The following DST variants were observed in gnomAD, a reference collection of about 807,000 sequenced individuals.
DST encodes the protein dystonin.
DST carries 253 observed loss-of-function variants against 875.2 expected under a neutral mutation model. That is an observed-to-expected ratio of 0.29 (90% CI 0.26 to 0.32). The LOEUF (loss-of-function observed/expected upper bound fraction) is 0.32, where lower values mean the gene tolerates loss of function less well. DST is among the 10% of genes least tolerant of loss of function. DST has a pLI of 1.00. For synonymous variants in DST, 3,124 were observed against 3,197.1 expected (o/e 0.98, Z 0.77); for missense variants, 8,287 against 9,111.6 (o/e 0.91, Z 3.68).
Position 56,509,853 on chromosome 6 carries a change from C to A in DST, c.18801G>T (p.Gln6267His), listed in dbSNP as rs778466743. 5.6e-6 allele frequency: 9 copies of A among 1,611,202 alleles called. No homozygotes were observed. In the Admixed American group the frequency reaches 1.5e-4, roughly 27 times the overall value. Residue 6267 changes from glutamine to histidine, a missense_variant, in exon 74 of 104, where the codon CAG becomes CAT. Coordinates refer to ENST00000680361, the MANE Select transcript of DST (RefSeq NM_001374736.1). Reference protein sequence around the residue: ...QSTQFHDKIDQILESLERIVE... With the variant: ...QSTQFHDKIDHILESLERIVE... ...CGATGCGTTCCAGGCTCTCAAGGAT[C>A]TGATCTATCTTGTCATGGAACTAGG...
rs147269051 is a variant in DST, at chr6:56,736,109, C to G, written c.626-820G>C. Among the ~76,000 whole-genome samples, 6 of 152,134 alleles carry G rather than the reference C, an allele frequency of 3.9e-5. No individual in the cohort carries two copies. In the South Asian group the frequency reaches 1.2e-3, roughly 32 times the overall value. The stretch of plus-strand genomic sequence containing the variant: ...TTCACCATGTTGGCCAGGCTGGTCT[C>G]GAACCCCTGACTTCAAGTGATCCAC... On this transcript the variant is annotated intron_variant, in intron 4 of 103. Transcript: ENST00000680361.
At chr6:56,537,653 G>A (rs1256595820) in intron 61 of DST, among the ~76,000 whole-genome samples, 3 of 152,150 alleles carry the variant, frequency 2.0e-5, no homozygotes, top group African/African-American at 7.2e-5. Context: ...CAGCAACTCT[G>A]GTTACTCTGT....
rs1318216968 is a variant in DST at position 56,607,031 on chromosome 6, C to T, written c.7597G>A (p.Glu2533Lys). The T allele has an allele frequency of 1.9e-6, 3 of 1,613,394 alleles. No homozygotes were observed. Among genetic ancestry groups the T allele is most frequent in the South Asian group, 1.1e-5 (1 of 91,058 alleles). Residue 2533 changes from glutamate (E) to lysine (K), a missense_variant, in exon 40 of 104, where the codon GAG becomes AAG. Physicochemically the swap from Glu to Lys is moderately conservative, Grantham distance 56. Coordinates refer to ENST00000680361, the MANE Select transcript of DST (RefSeq NM_001374736.1). Reference sequence around the variant, plus strand: ...AAACCTGGATGTGTTTTTTCATCCTCACCAGAAGTATTTGAAATGTATTTA... The same window carrying T: ...AAACCTGGATGTGTTTTTTCATCCTTACCAGAAGTATTTGAAATGTATTTA... ...NDKYISNTSG[E>K]DEKTHPGFQQ...
chr6:56,702,355 G>A (rs2099312325), intron 7 of DST, among the ~76,000 whole-genome samples: 1 of 151,504 alleles, frequency 6.6e-6, no homozygotes, highest in South Asian at 2.1e-4. Flanking sequence ...AACACTATTA[G>A]CAAGAGGGTT....
chr6:56,886,973 CA>C (rs924233962), intron 3 of DST, among the ~76,000 whole-genome samples: 60 of 152,200 alleles, frequency 3.9e-4, no homozygotes, highest in Non-Finnish European at 7.6e-4. Flanking sequence ...AGACCCTTAT[CA>C]CTCACTTGGA....
rs141937019 is a variant in DST at position 56,711,622 on chromosome 6, T to C, written c.688-7253A>G. Among the ~76,000 whole-genome samples the C allele has an allele frequency of 3.2e-3, 494 of 152,272 alleles. 4 individuals carry two copies. The highest frequency in any genetic ancestry group is 0.012 in the African/African-American group (478 of 41,544). ...AAATCAATATACTCTGCATAGTATA[T>C]CTTTTTTGGTATCTGTCCAGTTCCT... On this transcript the variant is annotated intron_variant, in intron 5 of 103. Transcript: ENST00000680361.
At chr6:56,723,667 A>G (rs951028136) in intron 5 of DST, among the ~76,000 whole-genome samples, 14 of 152,254 alleles carry the variant, frequency 9.2e-5, no homozygotes, top group Admixed American at 7.9e-4. Context: ...ATACAATATT[A>G]ATTAAATTTG....
In DST at chr6:56,636,239, TA is replaced by T. The variant is rs764275994; in HGVS notation, c.3060+317del. Among the ~76,000 whole-genome samples, 686 of 148,512 alleles carry T rather than the reference TA, an allele frequency of 4.6e-3. 3 individuals carry two copies. Among genetic ancestry groups the T allele is most frequent in the African/African-American group, 0.014 (553 of 39,696 alleles). On this transcript the variant is annotated intron_variant, in intron 23 of 103. Transcript: ENST00000680361. The stretch of plus-strand genomic sequence containing the variant: ...GCCTACAAAGAAAACAATTCACATA[TA>T]TATATATATATATATACACACACAC...
intron 37 of DST, among the ~76,000 whole-genome samples, chr6:56,613,169 A>G (rs1377819573): frequency 6.6e-6 from 1 of 152,180 alleles, no homozygotes; most frequent in Non-Finnish European, 1.5e-5. Flanking sequence ...TTCCTATTTA[A>G]TGAGGGGGGA....
chr6:56,797,406 C>G (rs2099741209), intron 4 of DST, among the ~76,000 whole-genome samples: 1 of 152,168 alleles, frequency 6.6e-6, no homozygotes, highest in South Asian at 2.1e-4. Context: ...TCTCACTTTA[C>G]TCAAAAGCTA....
At chr6:56,926,889 C>T (rs997639046) in intron 2 of DST, among the ~76,000 whole-genome samples, 3 of 152,138 alleles carry the variant, frequency 2.0e-5, no homozygotes, top group African/African-American at 4.8e-5. Context: ...AGCACCAGGA[C>T]CCAAGATTCT....
chr6:56,465,197 G>C (rs551390926), intron 99 of DST, among the ~76,000 whole-genome samples: 2 of 152,172 alleles, frequency 1.3e-5, no homozygotes, highest in Non-Finnish European at 2.9e-5. Flanking sequence ...ATATGTCTAT[G>C]TGTACCAGAT....
intron 15 of DST, chr6:56,642,881 G>C: frequency 6.3e-7 from 1 of 1,594,512 alleles, no homozygotes; most frequent in Non-Finnish European, 8.5e-7. Flanking sequence ...ACGGTGAAAA[G>C]TGGCAGCTGA....
intron 10 of DST, among the ~76,000 whole-genome samples, chr6:56,667,557 C>A (rs2099078052): frequency 2.0e-5 from 3 of 152,066 alleles, no homozygotes; most frequent in South Asian, 2.1e-4. Context: ...GCATTTAAAC[C>A]TGATATATGG....
chr6:56,594,100 A>G lies in DST; in HGVS notation c.12289T>C (p.Ser4097Pro). The change falls in exon 48 of 104, where the codon TCT becomes CCT. Residue 4097 changes from serine (S) to proline (P), a missense_variant. Around this residue, in one of 10 missense-constraint regions of DST, gnomAD observed 1,513 missense variants for 1,677.8 expected, o/e 0.90. Transcript: ENST00000680361. ...TGCAGTTTCTCTTTTTCTTCAGGAGAGAGATACTGACCCTGTTTCTCAAGC... is the reference window on the plus strand; with the variant it reads ...TGCAGTTTCTCTTTTTCTTCAGGAGGGAGATACTGACCCTGTTTCTCAAGC... ...VLLEKQGQYLSPEEKEKLQKN... is the reference protein window; with the variant it reads ...VLLEKQGQYLPPEEKEKLQKN... 1 of 1,609,800 alleles carries G rather than the reference A, an allele frequency of 6.2e-7. No individual in the cohort carries two copies. Among genetic ancestry groups the G allele is most frequent in the Non-Finnish European group, 8.5e-7 (1 of 1,178,832 alleles).
chr6:56,767,178 C>T (rs6904535), intron 4 of DST, among the ~76,000 whole-genome samples: 37,223 of 152,138 alleles, frequency 0.24, 5,870 homozygotes, highest in African/African-American at 0.44. Flanking sequence ...TCTCAACTTA[C>T]ACATTCATAC....
At chr6:56,812,644 T>C (rs1184439258) in intron 4 of DST, among the ~76,000 whole-genome samples, 1 of 152,236 alleles carries the variant, frequency 6.6e-6, no homozygotes, top group African/African-American at 2.4e-5. Flanking sequence ...TCTCAAATTC[T>C]GCCATAAAAC....
At chr6:56,489,859 G>C (rs1344041520) in intron 85 of DST, among the ~76,000 whole-genome samples, 1 of 152,114 alleles carries the variant, frequency 6.6e-6, no homozygotes, top group East Asian at 1.9e-4. Flanking sequence ...AGCTCTAAAA[G>C]AGCCTAGAAA....
rs932627468 is a variant in DST, at chr6:56,608,029, A to G, written c.6599T>C (p.Leu2200Ser). 1.4e-5 allele frequency: 23 copies of G among 1,612,608 alleles called. No homozygotes were observed. The highest frequency in any genetic ancestry group is 2.7e-5 in the African/African-American group (2 of 74,864). The change falls in exon 40 of 104, where the codon TTA becomes TCA. Residue 2200 changes from leucine to serine, a missense_variant. This residue lies in a region of DST where 3,138 missense variants were observed against 3,116.6 expected (regional missense o/e 1.01). Coordinates refer to ENST00000680361, the MANE Select transcript of DST (RefSeq NM_001374736.1). ...ATTTATCATTAAATAAGATAGAAAT[A>G]ATTTTTTAGTTTCTTCTGAGGTCTG... ...TTQTSEETKKLFLSYLMINSY... is the reference protein window; with the variant it reads ...TTQTSEETKKSFLSYLMINSY...
Sources: gnomAD v4.1 joint callset for allele counts (sites outside exome capture counted in the v4.1 genomes callset) on GRCh38, gnomAD v4.1.1 for gene constraint, gnomAD v4.1.1 regional missense constraint, MANE v1.5 for transcripts, NCBI Gene and HGNC (gene_info 2026-07-23, HGNC 2026-07-21) for gene names.